Variants in ADGRD1 observed in about 807,000 individuals in gnomAD.
The protein encoded by ADGRD1 is adhesion G protein-coupled receptor D1.
ADGRD1 carries 77 observed loss-of-function variants against 113.4 expected under a neutral mutation model. That is an observed-to-expected ratio of 0.68 (90% CI 0.57 to 0.82). The LOEUF (loss-of-function observed/expected upper bound fraction) is 0.82. ADGRD1 is among the 40% of genes least tolerant of loss of function. ADGRD1 has a pLI of 0.00. For synonymous variants in ADGRD1, 474 were observed against 475.0 expected, an observed-to-expected ratio of 1.00 and a Z score of 0.03; for missense variants, 1,036 against 1,139.1, an observed-to-expected ratio of 0.91 and a Z score of 1.30.
intron 13 of ADGRD1, among the ~76,000 whole-genome samples, chr12:131,046,354 G>GCC (rs775544878): frequency 1.5e-4 from 4 of 26,392 alleles, no homozygotes; most frequent in Admixed American, 4.6e-4. Context: ...CCTGGTCAGT[G>GCC]TCCTCCCTGG....
chr12:131,090,732 C>T (rs752089595), intron 15 of ADGRD1, among the ~76,000 whole-genome samples: 5 of 152,220 alleles, frequency 3.3e-5, no homozygotes, highest in Admixed American at 6.5e-5. Context: ...ATGGACACTG[C>T]GATGGCTTCC....
chr12:130,994,353 G>T (rs1367878053), intron 8 of ADGRD1: 1 of 367,292 alleles, frequency 2.7e-6, no homozygotes, highest in African/African-American at 2.1e-5. Flanking sequence ...CTTCTATGCA[G>T]TTAGCACTTA....
intron 13 of ADGRD1, among the ~76,000 whole-genome samples, chr12:131,074,445 G>A (rs976631558): frequency 6.6e-6 from 1 of 152,214 alleles, no homozygotes; most frequent in Non-Finnish European, 1.5e-5. Flanking sequence ...CCACAGGGAG[G>A]GAGCGCCTCA....
At position 131,136,073 on chromosome 12, in the gene ADGRD1, C is replaced by T; in HGVS notation, c.2304C>T (p.Ile768=). Residue 768 remains isoleucine, a synonymous_variant, in exon 22 of 25, where the codon ATC becomes ATT. Coordinates refer to ENST00000261654, the MANE Select transcript of ADGRD1 (RefSeq NM_198827.5). ...TAKAVAVLLP[I]LGTSWVFGVL... ...AGGCAGTGGCCGTGCTGCTGCCCAT[C>T]CTGGGTACCTCGTGGGTCTTTGGCG... 6.2e-7 allele frequency: 1 copy of T among 1,614,160 alleles called. No individual in the cohort carries two copies. The highest frequency in any genetic ancestry group is 8.5e-7 in the Non-Finnish European group (1 of 1,179,978).
At position 131,108,748 on chromosome 12, in the gene ADGRD1, C is replaced by G; in HGVS notation, c.1912C>G (p.Leu638Val). 6.2e-7 allele frequency: 1 copy of G among 1,614,082 alleles called. No homozygotes were observed. Among genetic ancestry groups the G allele is most frequent in the Non-Finnish European group, 8.5e-7 (1 of 1,179,950 alleles). ...GTTPCQVMAVLLHYFFLSAFA... is the reference protein window; with the variant it reads ...GTTPCQVMAVVLHYFFLSAFA... The stretch of plus-strand genomic sequence containing the variant: ...GACCCCCTGCCAAGTGATGGCCGTG[C>G]TCCTACACTACTTCTTCCTGAGTGC... Residue 638 changes from leucine (L) to valine (V), a missense_variant, in exon 18 of 25, where the codon CTC (leucine) becomes GTC (valine). Physicochemically the swap from Leu to Val is conservative, Grantham distance 32. Coordinates refer to ENST00000261654, the MANE Select transcript of ADGRD1 (RefSeq NM_198827.5).
chr12:130,967,445 A>G (rs1232306957), intron 3 of ADGRD1: 2 of 163,684 alleles, frequency 1.2e-5, no homozygotes, highest in African/African-American at 4.8e-5. Context: ...TTATTTACTG[A>G]TTGCTCTTGA....
rs578224953 is a variant in ADGRD1, at chr12:130,993,162, G to A, written c.966+770G>A. On this transcript the variant is annotated intron_variant, in intron 8 of 24. Transcript: ENST00000261654. ...AAATAATAACAGCGCCCACTTCATC[G>A]GGGATAAGTGGGTTCCTATGTGCAC... Among the ~76,000 whole-genome samples, 15 of 152,148 alleles carry A rather than the reference G, an allele frequency of 9.9e-5. No homozygotes were observed. The East Asian group carries it at 1.9e-3, about 20-fold the overall frequency.
Position 131,013,935 on chromosome 12 carries a change from C to T in ADGRD1, c.1332-264C>T, listed in dbSNP as rs150270690. On this transcript the variant is annotated intron_variant, in intron 12 of 24. Coordinates refer to ENST00000261654, the MANE Select transcript of ADGRD1 (RefSeq NM_198827.5). ...GCTCTGTCTCACCTCTTGGTCCTGG[C>T]GTCACACCTTAACGAGAGCAGGTAT... 2.9e-3 allele frequency among the ~76,000 whole-genome samples: 449 copies of T among 152,306 alleles called. 2 individuals are homozygous for T. The highest frequency in any genetic ancestry group is 9.7e-3 in the African/African-American group (404 of 41,562).
chr12:131,104,849 G>C lies in ADGRD1; in HGVS notation c.1690G>C (p.Val564Leu), dbSNP rs1372792152. The part of the protein sequence containing the change: ...VPLELARGHQ[V>L]ALSSISYVGC... ...CCCGCAGCTTGCACGCGGACACCAG[G>C]TGGCGCTGTCGTCTATCAGCTATGT... The change falls in exon 16 of 25, where the codon GTG becomes CTG. Residue 564 changes from valine (V) to leucine (L), a missense_variant. By Grantham distance (32) the Val-to-Leu change is conservative (BLOSUM62 1). Coordinates refer to ENST00000261654, the MANE Select transcript of ADGRD1 (RefSeq NM_198827.5). 1 of 1,549,084 alleles carries C rather than the reference G, an allele frequency of 6.5e-7. No homozygotes were observed. The highest frequency in any genetic ancestry group is 2.0e-5 in the Admixed American group (1 of 51,012).
chr12:130,983,763 G>A (rs1873298105), intron 5 of ADGRD1, among the ~76,000 whole-genome samples: 1 of 152,208 alleles, frequency 6.6e-6, no homozygotes. Context: ...AAGAAGCCCT[G>A]ATGTCATTCT....
At chr12:131,109,677 C>T (rs1269119455) in intron 18 of ADGRD1, among the ~76,000 whole-genome samples, 1 of 152,226 alleles carries the variant, frequency 6.6e-6, no homozygotes, top group African/African-American at 2.4e-5. Context: ...GAAAGTGTTC[C>T]ATATGCCCTT....
rs1565985524 is a variant in ADGRD1 at position 130,965,780 on chromosome 12, A to G, written c.104-683A>G. Among the ~76,000 whole-genome samples, 1 of 152,250 alleles carries G rather than the reference A, an allele frequency of 6.6e-6. No homozygotes were observed. The highest frequency in any genetic ancestry group is 1.5e-5 in the Non-Finnish European group (1 of 68,048). On this transcript the variant is annotated intron_variant, in intron 2 of 24. Transcript: ENST00000261654. The surrounding 1 kb of genome is among the most constrained non-coding windows in gnomAD (Gnocchi z 4.8). ...ATAAAGTTATGTTTACTCAAAGTAT[A>G]AGGATCACGAAGGAAATTTCAAACT...
chr12:131,131,655 C>A, intron 20 of ADGRD1, 70 bp from the exon 21 acceptor site: 1 of 1,100,396 alleles, frequency 9.1e-7, no homozygotes, highest in Non-Finnish European at 1.4e-6. Flanking sequence ...GGGCAGTGGC[C>A]AGGCGGACGC....
At chr12:131,032,175 T>C (rs1880842773) in intron 13 of ADGRD1, among the ~76,000 whole-genome samples, 1 of 121,172 alleles carries the variant, frequency 8.3e-6, no homozygotes, top group African/African-American at 2.6e-5. Context: ...TCCCCCAGGC[T>C]CTACTGAAGC....
At position 130,987,284 on chromosome 12, in the gene ADGRD1, A is replaced by T. The variant is rs751764117; in HGVS notation, c.680A>T (p.Glu227Val). 1 of 1,614,172 alleles carries T rather than the reference A, an allele frequency of 6.2e-7. No individual in the cohort carries two copies. Among genetic ancestry groups the T allele is most frequent in the Non-Finnish European group, 8.5e-7 (1 of 1,180,016 alleles). Residue 227 changes from glutamate (E) to valine (V), a missense_variant, in exon 6 of 25, where the codon GAG becomes GTG. By Grantham distance (121) the Glu-to-Val change is moderately radical (BLOSUM62 -2). Coordinates refer to ENST00000261654, the MANE Select transcript of ADGRD1 (RefSeq NM_198827.5). Reference protein sequence around the residue: ...AKCYENGAFDEFIIWERALTP... With the variant: ...AKCYENGAFDVFIIWERALTP... ...TGTTATGAGAACGGTGCTTTCGATG[A>T]GTTCATCATCTGGGAGCGGGCTCTG...
intron 8 of ADGRD1, among the ~76,000 whole-genome samples, chr12:130,998,031 G>A (rs1006880239): frequency 1.1e-4 from 17 of 152,172 alleles, no homozygotes; most frequent in Middle Eastern, 3.4e-3. Context: ...GCGAAACCCC[G>A]TCTCCACCAA....
chr12:131,080,900 G>A (rs916565317), intron 14 of ADGRD1, among the ~76,000 whole-genome samples: 2 of 152,196 alleles, frequency 1.3e-5, no homozygotes, highest in Admixed American at 6.5e-5. Context: ...GATTACAGGC[G>A]TGAGCCACTG....
At chr12:131,087,330 C>T (rs1275489549) in intron 15 of ADGRD1, among the ~76,000 whole-genome samples, 1 of 152,228 alleles carries the variant, frequency 6.6e-6, no homozygotes, top group East Asian at 1.9e-4. Flanking sequence ...CACAGACACA[C>T]ACCCAGCATC....
chr12:131,004,392 G>GCTGCGCTGCTCCCCCGGGCCGC, intron 11 of ADGRD1, 96 bp downstream of exon 11: 1 of 790,716 alleles, frequency 1.3e-6, no homozygotes. Flanking sequence ...GCGCCAGGGA[G>GCTGCGCTGCTCCCCCGGGCCGC]CTGCGGTGCT....
Sources: gnomAD v4.1 joint callset for allele counts (sites outside exome capture counted in the v4.1 genomes callset) on GRCh38, gnomAD v4.1.1 for gene constraint, Gnocchi (gnomAD v3.1) non-coding constraint, MANE v1.5 for transcripts, NCBI Gene and HGNC (gene_info 2026-07-23, HGNC 2026-07-21) for gene names.